Variants in SEC31A observed in about 807,000 individuals in gnomAD.
SEC31A encodes the protein protein transport protein Sec31A.
Under a neutral mutation model 151.0 loss-of-function variants are expected in SEC31A, and 70 were observed. The ratio of observed to expected loss-of-function variants is 0.46; its 90% confidence interval spans 0.38 to 0.57. The LOEUF (loss-of-function observed/expected upper bound fraction) is 0.57, where lower values mean the gene tolerates loss of function less well. SEC31A is among the 20% of genes least tolerant of loss of function. The pLI is 0.00. For synonymous variants in SEC31A, 475 were observed against 505.9 expected, an observed-to-expected ratio of 0.94 and a Z score of 0.82; for missense variants, 1,330 against 1,471.2, an observed-to-expected ratio of 0.90 and a Z score of 1.57.
intron 1 of SEC31A, among the ~76,000 whole-genome samples, chr4:82,885,405 A>G (rs900473836): frequency 6.6e-6 from 1 of 152,100 alleles, no homozygotes; most frequent in South Asian, 2.1e-4. Context: ...GTATATTTTC[A>G]TTATAATATG....
At chr4:82,875,044 C>T (rs1253852687) in intron 5 of SEC31A, among the ~76,000 whole-genome samples, 1 of 152,208 alleles carries the variant, frequency 6.6e-6, no homozygotes, top group Non-Finnish European at 1.5e-5. Flanking sequence ...TACTTTGCAA[C>T]TGCTGCAAGG....
At chr4:82,820,619 T>A (rs1723115308) in intron 26 of SEC31A, among the ~76,000 whole-genome samples, 1 of 152,182 alleles carries the variant, frequency 6.6e-6, no homozygotes, top group African/African-American at 2.4e-5. Flanking sequence ...TGCTTTTGTA[T>A]AATGGCTATC....
chr4:82,848,731 T>A (rs970358707), intron 20 of SEC31A, 73 bp downstream of exon 20: 1 of 1,351,598 alleles, frequency 7.4e-7, no homozygotes. Context: ...GGTCTCCTGC[T>A]GAACAAATGA....
chr4:82,890,933 C>A (rs1296646328), intron 1 of SEC31A, 155 bp downstream of exon 1: 2 of 1,417,582 alleles, frequency 1.4e-6, no homozygotes, highest in Admixed American at 5.6e-5. Flanking sequence ...TCCGCCGGGC[C>A]CGAAACCAAG....
intron 19 of SEC31A, among the ~76,000 whole-genome samples, chr4:82,850,671 C>T (rs141123147): frequency 3.5e-4 from 53 of 152,238 alleles, no homozygotes; most frequent in African/African-American, 1.2e-3. Flanking sequence ...AAACCTCACC[C>T]GTACTTTTAC....
chr4:82,864,652 A>G, intron 10 of SEC31A, 54 bp from the exon 11 acceptor site: 2 of 1,490,220 alleles, frequency 1.3e-6, no homozygotes, highest in Admixed American at 3.5e-5. Flanking sequence ...ATGGCCAAAA[A>G]AAGTGCTTAT....
At chr4:82,863,062 ACT>A (rs1354292622) in intron 12 of SEC31A, 1 of 402,020 alleles carries the variant, frequency 2.5e-6, no homozygotes, top group Non-Finnish European at 4.4e-6. Context: ...GCTATAGAAA[ACT>A]CTAGCCATTT....
intron 7 of SEC31A, chr4:82,871,385 A>T: frequency 6.6e-7 from 1 of 1,526,164 alleles, no homozygotes; most frequent in Non-Finnish European, 8.8e-7. Context: ...TGGGCATGAA[A>T]TCTAACTGCA....
intron 10 of SEC31A, among the ~76,000 whole-genome samples, chr4:82,866,043 G>A (rs1209364854): frequency 1.4e-5 from 2 of 145,922 alleles, no homozygotes; most frequent in Non-Finnish European, 3.0e-5. Context: ...AAAGGATGAA[G>A]AAGAGGGAGG....
intron 14 of SEC31A, among the ~76,000 whole-genome samples, chr4:82,860,645 T>A (rs552548004): frequency 3.4e-4 from 38 of 112,106 alleles, no homozygotes; most frequent in Non-Finnish European, 7.0e-4. Context: ...GCTAATTTTT[T>A]ATTTTTTTTT....
Position 82,842,132 on chromosome 4 carries a change from G to A in SEC31A, c.2968+8C>T. ...GGGGGCCAAACCAAATCCCTTTCAA[G>A]CGCAGACCTGTTCTTTGGGACGCAG... On this transcript the variant is annotated splice_region_variant and intron_variant, in intron 22 of 26. Transcript: ENST00000395310. The A allele has an allele frequency of 6.5e-7, 1 of 1,542,272 alleles. No homozygotes were observed. The highest frequency in any genetic ancestry group is 8.7e-7 in the Non-Finnish European group (1 of 1,144,206).
At position 82,861,671 on chromosome 4, in the gene SEC31A, C is replaced by T; in HGVS notation, c.1586G>A (p.Gly529Glu). 1 of 1,611,836 alleles carries T rather than the reference C, an allele frequency of 6.2e-7. No homozygotes were observed. The highest frequency in any genetic ancestry group is 8.5e-7 in the Non-Finnish European group (1 of 1,178,512). ...KDSDQVAQSD[G>E]EESPAAEEQL... ...CTCTTCAGCAGCAGGGCTCTCCTCC[C>T]CATCACTCTGTGCTACTTGGTCAGA... Residue 529 changes from glycine to glutamate, a missense_variant, in exon 14 of 27, where the codon GGG (glycine) becomes GAG (glutamate). Coordinates refer to ENST00000395310, the MANE Select transcript of SEC31A (RefSeq NM_001077207.4).
Position 82,824,825 on chromosome 4 carries a change from A to G in SEC31A, c.3292-151T>C, listed in dbSNP as rs112678052. On this transcript the variant is annotated intron_variant, in intron 24 of 26. Coordinates refer to ENST00000395310, the MANE Select transcript of SEC31A (RefSeq NM_001077207.4). The stretch of plus-strand genomic sequence containing the variant: ...AATTTAATGTGTGAAATCACTTACG[A>G]TAAGTAAAAATAAAAACCAGATATC... The G allele has an allele frequency of 8.5e-5, 74 of 875,024 alleles. 2 individuals are homozygous for G. In the African/African-American group the frequency reaches 9.3e-4, roughly 11 times the overall value. 54.2% of individuals were successfully genotyped at this position (875,024 alleles called of 1,614,324 possible). A position where few individuals can be genotyped will look rare whatever the true frequency, so the allele number is the denominator to read the frequency against.
intron 21 of SEC31A, among the ~76,000 whole-genome samples, chr4:82,843,501 A>G (rs1429809070): frequency 6.6e-6 from 1 of 152,140 alleles, no homozygotes; most frequent in Non-Finnish European, 1.5e-5. Context: ...GTAGGTATGA[A>G]CCTCGATAGA....
intron 6 of SEC31A, 48 bp downstream of exon 6, chr4:82,874,563 C>T: frequency 6.6e-7 from 1 of 1,526,180 alleles, no homozygotes; most frequent in Non-Finnish European, 8.8e-7. Context: ...ATAGGAATAC[C>T]TACAGCAGAA....
chr4:82,847,840 G>GA (rs1350152080), intron 20 of SEC31A, among the ~76,000 whole-genome samples: 1 of 152,084 alleles, frequency 6.6e-6, no homozygotes, highest in African/African-American at 2.4e-5. Context: ...TCAAATGAAT[G>GA]AAAAAAGTCA....
At chr4:82,835,302 T>TG (rs777470069) in intron 22 of SEC31A, among the ~76,000 whole-genome samples, 7 of 152,186 alleles carry the variant, frequency 4.6e-5, no homozygotes, top group Non-Finnish European at 7.3e-5. Flanking sequence ...ATGATACTCT[T>TG]GGTCAACGCT....
At chr4:82,872,214 TC>T in intron 6 of SEC31A, 128 bp from the exon 7 acceptor site, 1 of 760,800 alleles carries the variant, frequency 1.3e-6, no homozygotes, top group Non-Finnish European at 2.2e-6. Context: ...TTATTTATGA[TC>T]TATTTATTGT....
At chr4:82,846,537 C>T (rs2149296858) in intron 20 of SEC31A, among the ~76,000 whole-genome samples, 1 of 152,054 alleles carries the variant, frequency 6.6e-6, no homozygotes, top group Admixed American at 6.5e-5. Flanking sequence ...TTTTCTCCCT[C>T]TGCCATCCCT....
Sources: gnomAD v4.1 joint callset for allele counts (sites outside exome capture counted in the v4.1 genomes callset) on GRCh38, gnomAD v4.1.1 for gene constraint, MANE v1.5 for transcripts, NCBI Gene and HGNC (gene_info 2026-07-23, HGNC 2026-07-21) for gene names.